Variants in WSCD1 observed in about 807,000 individuals in gnomAD.
WSCD1 encodes sialate:O-sulfotransferase 1.
WSCD1 carries 41 observed loss-of-function variants against 60.4 expected under a neutral mutation model. The observed-to-expected ratio is 0.68, with a 90% confidence interval of 0.53 to 0.88. The LOEUF (loss-of-function observed/expected upper bound fraction) is 0.88. Among genes scored for constraint, WSCD1 ranks in the 40% least tolerant of loss-of-function variants. The pLI, the probability that WSCD1 is intolerant of heterozygous loss-of-function variation, is 0.00. For synonymous variants in WSCD1, 361 were observed against 332.5 expected, an observed-to-expected ratio of 1.09 and a Z score of -0.93; for missense variants, 784 against 796.2, an observed-to-expected ratio of 0.98 and a Z score of 0.18.
intron 2 of WSCD1, among the ~76,000 whole-genome samples, chr17:6,084,097 C>G (rs1308291288): frequency 6.6e-6 from 1 of 152,160 alleles, no homozygotes; most frequent in Non-Finnish European, 1.5e-5. Context: ...TACACTCTGG[C>G]TGCCTCCCCA....
At chr17:6,077,819 C>A (rs183446153) in intron 1 of WSCD1, 2 of 152,268 alleles carry the variant, frequency 1.3e-5, no homozygotes, top group East Asian at 3.9e-4. Flanking sequence ...GGAGTGCTAC[C>A]CTCTTCCCTT....
At chr17:6,113,734 A>C (rs1911534110) in intron 7 of WSCD1, among the ~76,000 whole-genome samples, 1 of 152,232 alleles carries the variant, frequency 6.6e-6, no homozygotes, top group Non-Finnish European at 1.5e-5. Flanking sequence ...CAAGTATATG[A>C]AAACATGCTC....
At chr17:6,072,205 A>G (rs1158821887) in intron 1 of WSCD1, among the ~76,000 whole-genome samples, 4 of 152,242 alleles carry the variant, frequency 2.6e-5, no homozygotes, top group Non-Finnish European at 5.9e-5. Context: ...AGAAGCTGGG[A>G]TAAGGCAGAA....
In WSCD1 at chr17:6,120,828, C is replaced by T. The variant is rs534366548; in HGVS notation, c.*167C>T. On this transcript the variant is annotated 3_prime_UTR_variant, in exon 9 of 9. Transcript: ENST00000317744. The stretch of plus-strand genomic sequence containing the variant: ...AGGAGACCTGGACACAACAGACACA[C>T]ATCACAAGGCGAACACAAATGGACA... 8.0e-5 allele frequency: 55 copies of T among 691,634 alleles called. No individual in the cohort carries two copies. Among genetic ancestry groups the T allele is most frequent in the African/African-American group, 4.1e-4 (23 of 55,668 alleles). The allele number at this position is 691,634 out of a possible 1,614,324, so 42.8% of individuals were successfully genotyped here. A position where few individuals can be genotyped will look rare whatever the true frequency, so the allele number is the denominator to read the frequency against.
At chr17:6,097,158 C>G (rs992176957) in intron 5 of WSCD1, among the ~76,000 whole-genome samples, 1 of 152,228 alleles carries the variant, frequency 6.6e-6, no homozygotes. Context: ...ACACACAGCC[C>G]GTGGTTTTAC....
chr17:6,122,741 G>C lies in WSCD1; in HGVS notation c.*2080G>C, dbSNP rs1904794236. 2 of 152,296 alleles carry C rather than the reference G, an allele frequency of 1.3e-5. No individual in the cohort carries two copies. The highest frequency in any genetic ancestry group is 6.5e-5 in the Admixed American group (1 of 15,270). The allele number at this position is 152,296 out of a possible 1,614,324, so 9.4% of individuals were successfully genotyped here. A position where few individuals can be genotyped will look rare whatever the true frequency, so the allele number is the denominator to read the frequency against. ...CCAGGCTTTTCCTGGTAGTTGGATTGGTACATTCACTGCTGCCAGGTACCC... is the reference window on the plus strand; with the variant it reads ...CCAGGCTTTTCCTGGTAGTTGGATTCGTACATTCACTGCTGCCAGGTACCC... On this transcript the variant is annotated 3_prime_UTR_variant, in exon 9 of 9. Transcript: ENST00000317744.
Position 6,110,564 on chromosome 17 carries a change from G to A in WSCD1, c.1010-207G>A, listed in dbSNP as rs1262948438. Among the ~76,000 whole-genome samples the A allele has an allele frequency of 6.6e-6, 1 of 152,290 alleles. No individual in the cohort carries two copies. Among genetic ancestry groups the A allele is most frequent in the Non-Finnish European group, 1.5e-5 (1 of 68,026 alleles). On this transcript the variant is annotated intron_variant, in intron 6 of 8. Coordinates refer to ENST00000317744, the MANE Select transcript of WSCD1 (RefSeq NM_015253.2). The surrounding 1 kb of genome is among the most constrained non-coding windows in gnomAD (Gnocchi z 4.8). The stretch of plus-strand genomic sequence containing the variant: ...CATCTTACTCCTGCACTGCAGTATT[G>A]CAGGCCTCATTACGGGGCTTTCTCG...
At position 6,114,225 on chromosome 17, in the gene WSCD1, T is replaced by C. The variant is rs145533530; in HGVS notation, c.1174+3290T>C. Among the ~76,000 whole-genome samples, 74 of 151,508 alleles carry C rather than the reference T, an allele frequency of 4.9e-4. No homozygotes were observed. The East Asian group carries it at 0.011, about 23-fold the overall frequency. ...ATGGATGAGCCTAAGGGACATTATGTTAAGTGAAATAAACCAGGCACAGAA... is the reference window on the plus strand; with the variant it reads ...ATGGATGAGCCTAAGGGACATTATGCTAAGTGAAATAAACCAGGCACAGAA... On this transcript the variant is annotated intron_variant, in intron 7 of 8. Coordinates refer to ENST00000317744, the MANE Select transcript of WSCD1 (RefSeq NM_015253.2).
chr17:6,102,966 A>C (rs894655775), intron 5 of WSCD1, among the ~76,000 whole-genome samples: 2 of 152,128 alleles, frequency 1.3e-5, no homozygotes, highest in Non-Finnish European at 2.9e-5. Context: ...GGTACATTTT[A>C]TATGAGCCCT....
rs746236811 is a variant in WSCD1, at chr17:6,080,737, C to G, written c.79C>G (p.Leu27Val). 1.9e-6 allele frequency: 3 copies of G among 1,613,038 alleles called. No homozygotes were observed. The Admixed American group carries it at 5.0e-5, about 27-fold the overall frequency. ...GCTGTTCTTCCTCACGGCTGCCTAC[C>G]TGATGACCGGCAGCCTGCTGCTGCT... is the stretch of plus-strand genomic sequence containing the variant. ...FLLFFLTAAY[L>V]MTGSLLLLQR... The change falls in exon 2 of 9, where the codon CTG becomes GTG. Residue 27 changes from leucine (L) to valine (V), a missense_variant. Leu to Val is a conservative substitution (Grantham distance 32). Transcript: ENST00000317744. The surrounding 1 kb of genome is among the most constrained non-coding windows in gnomAD (Gnocchi z 6.6).
At chr17:6,090,222 A>C in intron 3 of WSCD1, 99 bp from the exon 4 acceptor site, 6 of 1,260,114 alleles carry the variant, frequency 4.8e-6, no homozygotes, top group Non-Finnish European at 6.4e-6. Flanking sequence ...AAAAAAAAAC[A>C]TACTTTCTAA....
chr17:6,117,876 A>C (rs898739667), intron 7 of WSCD1, 112 bp from the exon 8 acceptor site: 1 of 1,094,974 alleles, frequency 9.1e-7, no homozygotes, highest in Admixed American at 2.0e-5. Context: ...TGTGTCTTCC[A>C]TGGGCCCTCT....
Position 6,101,183 on chromosome 17 carries a change from A to G in WSCD1, c.849+5960A>G, listed in dbSNP as rs959131058. 6.6e-6 allele frequency among the ~76,000 whole-genome samples: 1 copy of G among 152,182 alleles called. No individual in the cohort carries two copies. The highest frequency in any genetic ancestry group is 1.5e-5 in the Non-Finnish European group (1 of 68,036). On this transcript the variant is annotated intron_variant, in intron 5 of 8. Coordinates refer to ENST00000317744, the MANE Select transcript of WSCD1 (RefSeq NM_015253.2). The surrounding 1 kb of genome is among the most constrained non-coding windows in gnomAD (Gnocchi z 4.1). ...GCCTGGCAGTCCCGGTGGCAGCTTT[A>G]TCTCATCCTAATTTGGCCGAAAAAC...
intron 1 of WSCD1, among the ~76,000 whole-genome samples, chr17:6,078,298 T>C (rs1193909890): frequency 6.6e-6 from 1 of 152,112 alleles, no homozygotes; most frequent in Non-Finnish European, 1.5e-5. Flanking sequence ...CTTTGGAGGG[T>C]AACCGACAAG....
intron 4 of WSCD1, among the ~76,000 whole-genome samples, chr17:6,091,953 G>A (rs1276980398): frequency 7.9e-5 from 12 of 152,072 alleles, no homozygotes; most frequent in East Asian, 1.9e-4. Context: ...TCAGGAGTTC[G>A]AGACCAGCCT....
At chr17:6,089,258 C>T (rs574596038) in intron 3 of WSCD1, among the ~76,000 whole-genome samples, 108 of 152,240 alleles carry the variant, frequency 7.1e-4, no homozygotes, top group African/African-American at 2.5e-3. Context: ...TTTTAGTCTC[C>T]TAATAGATCA....
At chr17:6,083,927 G>A (rs1909450062) in intron 2 of WSCD1, among the ~76,000 whole-genome samples, 1 of 152,184 alleles carries the variant, frequency 6.6e-6, no homozygotes, top group South Asian at 2.1e-4. Context: ...AGAAGTGATG[G>A]AAGGGGCTCT....
chr17:6,093,218 G>A (rs928481581), intron 4 of WSCD1, among the ~76,000 whole-genome samples: 1 of 152,264 alleles, frequency 6.6e-6, no homozygotes, highest in Non-Finnish European at 1.5e-5. Context: ...AGTGAAGTGC[G>A]GAGGCAGCCA....
chr17:6,087,780 A>G (rs536811341), intron 2 of WSCD1, among the ~76,000 whole-genome samples: 48 of 152,360 alleles, frequency 3.2e-4, no homozygotes, highest in Non-Finnish European at 6.5e-4. Flanking sequence ...CCATTAAAAA[A>G]GAGAAAATGG....
Sources: gnomAD v4.1 joint callset for allele counts (sites outside exome capture counted in the v4.1 genomes callset) on GRCh38, gnomAD v4.1.1 for gene constraint, Gnocchi (gnomAD v3.1) non-coding constraint, MANE v1.5 for transcripts, NCBI Gene and HGNC (gene_info 2026-07-23, HGNC 2026-07-21) for gene names.